VPS35L: variants seen among roughly 807,000 people sequenced by gnomAD.
VPS35L encodes VPS35 endosomal protein-sorting factor-like.
In VPS35L, 83 loss-of-function variants were observed where a neutral mutation model predicts 133.0. The ratio of observed to expected loss-of-function variants is 0.62; its 90% CI spans 0.52 to 0.75. The LOEUF is 0.75. Among genes scored for constraint, VPS35L ranks in the 30% least tolerant of loss-of-function variants. The pLI, the probability that VPS35L is intolerant of heterozygous loss-of-function variation, is 0.00. For synonymous variants in VPS35L, 423 were observed against 449.9 expected, an observed-to-expected ratio of 0.94 and a Z score of 0.76; for missense variants, 1,083 against 1,206.8, an observed-to-expected ratio of 0.90 and a Z score of 1.52.
At position 19,616,592 on chromosome 16, in the gene VPS35L, G is replaced by A. The variant is rs995901722; in HGVS notation, c.1102-94G>A. ...CTATTTCTCTCAGGGCTGTCCACAT[G>A]CTTACAAGTATGCACAGTCTGTGAG... On this transcript the variant is annotated intron_variant, in intron 13 of 30. Coordinates refer to ENST00000417362, the MANE Select transcript of VPS35L (RefSeq NM_020314.7). 2.0e-6 allele frequency: 3 copies of A among 1,475,530 alleles called. No individual in the cohort carries two copies. In the African/African-American group the frequency reaches 4.2e-5, roughly 21 times the overall value. The allele number at this position is 1,475,530 out of a possible 1,614,324, so 91.4% of individuals were successfully genotyped here.
At chr16:19,686,632 G>T (rs927879407) in intron 28 of VPS35L, among the ~76,000 whole-genome samples, 2 of 152,136 alleles carry the variant, frequency 1.3e-5, no homozygotes, top group Non-Finnish European at 2.9e-5. Flanking sequence ...GCCATTTGCA[G>T]GGGACATCAT....
chr16:19,646,656 C>T (rs1384487786), intron 23 of VPS35L, among the ~76,000 whole-genome samples: 1 of 144,646 alleles, frequency 6.9e-6, no homozygotes, highest in Non-Finnish European at 1.5e-5. Context: ...CAGAGCAAAA[C>T]TCTGTCTTGG....
chr16:19,693,853 G>T (rs1372188930), intron 29 of VPS35L, among the ~76,000 whole-genome samples: 3 of 151,448 alleles, frequency 2.0e-5, no homozygotes, highest in Non-Finnish European at 4.4e-5. Context: ...AGAGGCTGAG[G>T]CGGGAATTGA....
In VPS35L at chr16:19,610,377, C is replaced by A. The variant is rs1567420502; in HGVS notation, c.985C>A (p.Pro329Thr). The change falls in exon 12 of 31, where the codon CCA (proline) becomes ACA (threonine). Residue 329 changes from proline (P) to threonine (T), a missense_variant. Pro to Thr is a conservative substitution (Grantham distance 38, BLOSUM62 -1). Transcript: ENST00000417362. ...LTCMIRGIGDPLVSVYARAYL... is the reference protein window; with the variant it reads ...LTCMIRGIGDTLVSVYARAYL... The stretch of plus-strand genomic sequence containing the variant: ...ATGCATGATCAGAGGGATCGGAGAC[C>A]CACTAGTGTCGGTGTATGCCCGTGC... 1.2e-6 allele frequency: 2 copies of A among 1,614,038 alleles called. No homozygotes were observed. Among genetic ancestry groups the A allele is most frequent in the Admixed American group, 3.3e-5 (2 of 60,006 alleles).
At chr16:19,697,457 C>G (rs1303547280) in intron 29 of VPS35L, among the ~76,000 whole-genome samples, 2 of 152,156 alleles carry the variant, frequency 1.3e-5, no homozygotes, top group East Asian at 3.9e-4. Flanking sequence ...GCCTCAGCCT[C>G]CTGAGTAGCT....
At chr16:19,673,656 G>T (rs1163550695) in intron 27 of VPS35L, among the ~76,000 whole-genome samples, 1 of 152,146 alleles carries the variant, frequency 6.6e-6, no homozygotes, top group Non-Finnish European at 1.5e-5. Context: ...TTTTAGCTGG[G>T]GTTTAGTAAT....
At chr16:19,663,595 C>A (rs1201798893) in intron 26 of VPS35L, among the ~76,000 whole-genome samples, 4 of 127,926 alleles carry the variant, frequency 3.1e-5, no homozygotes, top group Non-Finnish European at 6.4e-5. Context: ...CTCAAATATA[C>A]CTCAAAACAT....
At chr16:19,693,989 A>C (rs1186283132) in intron 29 of VPS35L, 1 of 151,430 alleles carries the variant, frequency 6.6e-6, no homozygotes, top group Admixed American at 6.6e-5. Context: ...AAAAAGGGGG[A>C]ATAAAAGGGA....
intron 7 of VPS35L, among the ~76,000 whole-genome samples, chr16:19,584,931 G>A (rs1971818497): frequency 6.6e-6 from 1 of 152,108 alleles, no homozygotes; most frequent in Admixed American, 6.6e-5. Flanking sequence ...GAGTGATGCT[G>A]AGCATATTTT....
intron 13 of VPS35L, 150 bp from the exon 14 acceptor site, chr16:19,616,535 GT>G: frequency 4.6e-6 from 5 of 1,076,464 alleles, no homozygotes; most frequent in Non-Finnish European, 5.1e-6. Flanking sequence ...TTTTTTTTTG[GT>G]TTAAAAAAAA....
intron 22 of VPS35L, among the ~76,000 whole-genome samples, chr16:19,642,789 G>C (rs961353160): frequency 2.0e-5 from 3 of 152,068 alleles, no homozygotes; most frequent in African/African-American, 7.2e-5. Flanking sequence ...GTAATAATGA[G>C]CTCACTCATC....
chr16:19,617,267 A>AG (rs1210714719), intron 14 of VPS35L: 1 of 304,746 alleles, frequency 3.3e-6, no homozygotes, highest in East Asian at 7.6e-5. Flanking sequence ...CTGAGGTGGG[A>AG]GGACCACTTG....
chr16:19,574,162 C>T (rs1971464667), intron 4 of VPS35L, among the ~76,000 whole-genome samples: 1 of 152,190 alleles, frequency 6.6e-6, no homozygotes, highest in African/African-American at 2.4e-5. Context: ...TGTATCCCTC[C>T]TTACGCTGGA....
intron 1 of VPS35L, among the ~76,000 whole-genome samples, chr16:19,558,791 C>T (rs925617293): frequency 1.3e-5 from 2 of 151,610 alleles, no homozygotes; most frequent in African/African-American, 4.8e-5. Context: ...GGCGTGGTGA[C>T]GGGTGCCTGC....
intron 29 of VPS35L, among the ~76,000 whole-genome samples, chr16:19,694,996 A>T (rs1274278237): frequency 6.9e-6 from 1 of 144,648 alleles, no homozygotes; most frequent in East Asian, 2.1e-4. Flanking sequence ...ACAGAACGAG[A>T]CTCTGTTTCA....
chr16:19,685,712 G>C (rs1051844195), intron 28 of VPS35L, among the ~76,000 whole-genome samples: 11 of 152,170 alleles, frequency 7.2e-5, no homozygotes, highest in African/African-American at 2.7e-4. Context: ...TGTTCTAGGA[G>C]TGGAGTTTGC....
chr16:19,584,657 C>G (rs1597329435), intron 7 of VPS35L, among the ~76,000 whole-genome samples: 1 of 147,310 alleles, frequency 6.8e-6, no homozygotes, highest in Non-Finnish European at 1.5e-5. Context: ...GTTTCCTTTT[C>G]TCTGTATTCT....
At chr16:19,580,754 G>A (rs1369980877) in intron 6 of VPS35L, among the ~76,000 whole-genome samples, 1 of 152,082 alleles carries the variant, frequency 6.6e-6, no homozygotes, top group Non-Finnish European at 1.5e-5. Context: ...TTTGTCTCAA[G>A]TATCACTCCT....
At chr16:19,645,434 C>T (rs749703303) in intron 23 of VPS35L, among the ~76,000 whole-genome samples, 1 of 152,044 alleles carries the variant, frequency 6.6e-6, no homozygotes, top group South Asian at 2.1e-4. Context: ...GGACTACAGG[C>T]GCCCGGCACC....
Sources: allele counts gnomAD v4.1 joint callset (sites outside exome capture counted in the v4.1 genomes callset), GRCh38; gene constraint gnomAD v4.1.1; transcripts MANE v1.5; gene names NCBI Gene and HGNC (gene_info 2026-07-23, HGNC 2026-07-21).